Variants in BRD10 observed in about 807,000 individuals in gnomAD.
BRD10 encodes the protein bromodomain containing 10.
chr9:6,007,639 A>T, the BRD10 span: 1 of 1,602,976 alleles, frequency 6.2e-7, no homozygotes, highest in Admixed American at 1.7e-5. Flanking sequence ...CGCGTCCTCC[A>T]GCGAGGAGGC....
chr9:5,893,667 A>T, the BRD10 span, among the ~76,000 whole-genome samples: 4 of 152,040 alleles, frequency 2.6e-5, no homozygotes, highest in Admixed American at 2.6e-4. Flanking sequence ...GTGTATAATC[A>T]CTCAACAGAC....
chr9:5,961,563 T>C, the BRD10 span, among the ~76,000 whole-genome samples: 1 of 152,162 alleles, frequency 6.6e-6, no homozygotes, highest in Admixed American at 6.5e-5. Context: ...AACATTTAAA[T>C]TTTGAAAACA....
the BRD10 span, among the ~76,000 whole-genome samples, chr9:6,000,583 T>C: frequency 2.0e-5 from 3 of 152,214 alleles, no homozygotes; most frequent in East Asian, 3.8e-4. Flanking sequence ...CAAAATACAT[T>C]AGAATCTGTT....
the BRD10 span, among the ~76,000 whole-genome samples, chr9:5,934,358 C>CTTT: frequency 0.22 from 28,757 of 129,698 alleles, 3,980 homozygotes; most frequent in South Asian, 0.37. Context: ...TTACGCTTTT[C>CTTT]TTTTTTTTTT....
chr9:5,944,805 TAGGAA>T, the BRD10 span: 4 of 689,630 alleles, frequency 5.8e-6, no homozygotes, highest in Non-Finnish European at 9.2e-6. Context: ...AAAAAGGCTT[TAGGAA>T]AAAGCAGGAA....
the BRD10 span, among the ~76,000 whole-genome samples, chr9:5,884,162 G>T: frequency 6.6e-6 from 1 of 152,308 alleles, no homozygotes; most frequent in East Asian, 1.9e-4. Flanking sequence ...ACATTGGTAT[G>T]ATTTACAGTT....
chr9:5,983,384 C>A, the BRD10 span, among the ~76,000 whole-genome samples: 1 of 152,090 alleles, frequency 6.6e-6, no homozygotes, highest in East Asian at 1.9e-4. Flanking sequence ...AAATAAAACT[C>A]CAGACTCAAC....
At chr9:5,989,537 T>TA in the BRD10 span, among the ~76,000 whole-genome samples, 1 of 148,120 alleles carries the variant, frequency 6.8e-6, no homozygotes, top group Non-Finnish European at 1.5e-5. Flanking sequence ...CATTAAAATG[T>TA]AAATTTTTTT....
the BRD10 span, chr9:5,891,277 C>T: frequency 6.6e-6 from 1 of 152,180 alleles, no homozygotes; most frequent in African/African-American, 2.4e-5. Context: ...TGTTGCTGCA[C>T]CATTTGCCAA....
the BRD10 span, among the ~76,000 whole-genome samples, chr9:5,934,089 A>G: frequency 6.6e-6 from 1 of 152,090 alleles, no homozygotes; most frequent in East Asian, 1.9e-4. Context: ...ATATGAAGAA[A>G]AAATTAAAAT....
At chr9:5,968,528 T>G in the BRD10 span, 1 of 1,613,286 alleles carries the variant, frequency 6.2e-7, no homozygotes, top group African/African-American at 1.3e-5. Flanking sequence ...AATTTCATAG[T>G]TGGATTTTAC....
chr9:5,921,645 C>G, the BRD10 span: 2 of 1,613,962 alleles, frequency 1.2e-6, no homozygotes, highest in Non-Finnish European at 1.7e-6. Flanking sequence ...GACCTTGTAA[C>G]AGGGTAACTT....
At chr9:5,982,465 G>A in the BRD10 span, among the ~76,000 whole-genome samples, 3 of 152,132 alleles carry the variant, frequency 2.0e-5, no homozygotes, top group Non-Finnish European at 4.4e-5. Flanking sequence ...GGTCATGAGG[G>A]TTCTGCCCAA....
the BRD10 span, among the ~76,000 whole-genome samples, chr9:6,003,131 AG>A: frequency 5.3e-5 from 8 of 152,274 alleles, no homozygotes; most frequent in Non-Finnish European, 2.9e-5. Flanking sequence ...ATGGAAATCA[AG>A]AATAATTTTA....
At chr9:5,928,630 C>T in the BRD10 span, among the ~76,000 whole-genome samples, 1 of 152,266 alleles carries the variant, frequency 6.6e-6, no homozygotes, top group South Asian at 2.1e-4. Flanking sequence ...CCTCTGCTTT[C>T]CCCTCAGAAA....
At chr9:6,000,784 C>T in the BRD10 span, among the ~76,000 whole-genome samples, 1 of 152,148 alleles carries the variant, frequency 6.6e-6, no homozygotes, top group Non-Finnish European at 1.5e-5. Context: ...TTTTAATATA[C>T]ATTATACATA....
At chr9:5,975,912 G>A in the BRD10 span, among the ~76,000 whole-genome samples, 2 of 152,142 alleles carry the variant, frequency 1.3e-5, no homozygotes, top group African/African-American at 2.4e-5. Flanking sequence ...TGAGATGGAC[G>A]AGGCAGAAAA....
the BRD10 span, among the ~76,000 whole-genome samples, chr9:5,927,111 GA>G: frequency 1.3e-5 from 2 of 152,086 alleles, no homozygotes; most frequent in African/African-American, 4.8e-5. Context: ...TCTATGTGGG[GA>G]TAGTATAAAG....
the BRD10 span, among the ~76,000 whole-genome samples, chr9:5,973,454 G>A: frequency 1.3e-5 from 2 of 152,126 alleles, no homozygotes; most frequent in African/African-American, 4.8e-5. Context: ...GTGACAGAGT[G>A]AGACTCCATC....
Sources: allele counts gnomAD v4.1 joint callset (sites outside exome capture counted in the v4.1 genomes callset), GRCh38; gene constraint gnomAD v4.1.1; transcripts MANE v1.5; gene names NCBI Gene and HGNC (gene_info 2026-07-23, HGNC 2026-07-21).